GRM5: variants seen among roughly 807,000 people sequenced by gnomAD.
The protein encoded by GRM5 is metabotropic glutamate receptor 5.
A neutral mutation model predicts 83.1 loss-of-function variants in GRM5; 19 were observed. That is an observed-to-expected ratio of 0.23 (90% CI 0.16 to 0.34). GRM5 has a LOEUF of 0.34. Ranked by LOEUF, GRM5 falls within the 10% of genes least tolerant of loss-of-function variation. The pLI is 1.00. For missense variants in GRM5, 1,160 were observed against 1,588.3 expected (o/e 0.73, Z 4.58); for synonymous variants, 675 against 633.6 (o/e 1.07, Z -0.98).
In GRM5 at chr11:88,698,562, G is replaced by T. The variant is rs145767644; in HGVS notation, c.912-45159C>A. On this transcript the variant is annotated intron_variant, in intron 3 of 9. Transcript: ENST00000305447. ...CAAGAAGAGAGTAGTTATTGGCTAC[G>T]TATGGATTCAATAGCATGGGATCTT... Among the ~76,000 whole-genome samples the T allele has an allele frequency of 3.3e-5, 5 of 152,230 alleles. No homozygotes were observed. The East Asian group carries it at 9.7e-4, about 29-fold the overall frequency.
At chr11:88,731,183 G>A (rs1278422868) in intron 3 of GRM5, among the ~76,000 whole-genome samples, 1 of 151,896 alleles carries the variant, frequency 6.6e-6, no homozygotes, top group African/African-American at 2.4e-5. Context: ...TTATCATATG[G>A]ACAAGGTTTT....
intron 7 of GRM5, among the ~76,000 whole-genome samples, chr11:88,579,630 C>A (rs1033434353): frequency 2.0e-5 from 3 of 152,110 alleles, no homozygotes; most frequent in Non-Finnish European, 4.4e-5. Flanking sequence ...GGATAAGAGC[C>A]TTTCTGACCT....
At chr11:88,853,748 G>C (rs1438665529) in intron 2 of GRM5, among the ~76,000 whole-genome samples, 1 of 151,340 alleles carries the variant, frequency 6.6e-6, no homozygotes, top group African/African-American at 2.4e-5. Flanking sequence ...TGAAAGGAGA[G>C]AGTTGATGCA....
chr11:88,922,834 AGG>A (rs1945715839), intron 2 of GRM5, among the ~76,000 whole-genome samples: 1 of 152,178 alleles, frequency 6.6e-6, no homozygotes, highest in Non-Finnish European at 1.5e-5. Context: ...ACATCTGACA[AGG>A]GATTAATAAC....
intron 9 of GRM5, among the ~76,000 whole-genome samples, chr11:88,514,759 G>T (rs556137068): frequency 2.0e-5 from 3 of 152,244 alleles, no homozygotes; most frequent in African/African-American, 7.2e-5. Context: ...TTCAAGGAAG[G>T]ATTTGCAAAT....
At chr11:88,825,877 C>T (rs1209342965) in intron 3 of GRM5, among the ~76,000 whole-genome samples, 2 of 152,142 alleles carry the variant, frequency 1.3e-5, no homozygotes, top group East Asian at 1.9e-4. Context: ...ATTCATTTCA[C>T]CTGTTAACAC....
chr11:89,002,545 A>G (rs1940413681), intron 2 of GRM5, among the ~76,000 whole-genome samples: 2 of 152,170 alleles, frequency 1.3e-5, no homozygotes, highest in African/African-American at 4.8e-5. Context: ...ATTCAAGTTC[A>G]TTAGTTCATT....
At chr11:88,656,132 A>ATATTCTTGTATTAC (rs11271068) in intron 3 of GRM5, among the ~76,000 whole-genome samples, 2 of 152,100 alleles carry the variant, frequency 1.3e-5, no homozygotes, top group African/African-American at 2.4e-5. Context: ...TGGACCTTCA[A>ATATTCTTGTATTAC]TTTAATTTTT....
intron 5 of GRM5, among the ~76,000 whole-genome samples, chr11:88,602,003 C>T (rs1938011840): frequency 6.6e-6 from 1 of 151,992 alleles, no homozygotes; most frequent in Admixed American, 6.6e-5. Context: ...GTGATCTAGT[C>T]TGTTAATGGT....
intron 3 of GRM5, among the ~76,000 whole-genome samples, chr11:88,786,703 A>C (rs888209108): frequency 6.6e-6 from 1 of 151,968 alleles, no homozygotes; most frequent in Non-Finnish European, 1.5e-5. Flanking sequence ...TTATTTTAAA[A>C]CATCATTCCC....
intron 1 of GRM5, among the ~76,000 whole-genome samples, chr11:89,063,043 C>G (rs561350226): frequency 3.3e-5 from 5 of 152,394 alleles, no homozygotes; most frequent in East Asian, 1.9e-4. Flanking sequence ...GCTGTCCCCC[C>G]TCTTCCTGCA....
chr11:88,614,502 A>C (rs1290718606), intron 4 of GRM5, among the ~76,000 whole-genome samples: 5 of 152,132 alleles, frequency 3.3e-5, no homozygotes, highest in Non-Finnish European at 7.4e-5. Context: ...GGCAGTCACT[A>C]TTTAGCTTTT....
At chr11:88,617,802 A>C (rs766791898) in intron 4 of GRM5, among the ~76,000 whole-genome samples, 70 of 152,296 alleles carry the variant, frequency 4.6e-4, no homozygotes, top group Non-Finnish European at 8.7e-4. Flanking sequence ...GGGTGATCTC[A>C]GGGACAGAAA....
intron 2 of GRM5, among the ~76,000 whole-genome samples, chr11:89,019,044 C>T (rs1382497864): frequency 6.6e-6 from 1 of 152,154 alleles, no homozygotes; most frequent in Non-Finnish European, 1.5e-5. Context: ...GGTTACCACA[C>T]TAGATTTAGT....
chr11:88,863,717 TA>T (rs1389077740), intron 2 of GRM5, among the ~76,000 whole-genome samples: 3 of 116,940 alleles, frequency 2.6e-5, no homozygotes, highest in Non-Finnish European at 3.6e-5. Flanking sequence ...ATTTAACTTT[TA>T]TTTTTTTATA....
chr11:88,508,962 C>A lies in GRM5; in HGVS notation c.3269G>T (p.Gly1090Val). The A allele has an allele frequency of 2.5e-6, 4 of 1,590,844 alleles. No homozygotes were observed. The highest frequency in any genetic ancestry group is 1.1e-5 in the South Asian group (1 of 87,290). The change falls in exon 10 of 10, where the codon GGC (glycine) becomes GTC (valine). Residue 1090 changes from glycine (G) to valine (V), a missense_variant. Coordinates refer to ENST00000305447, the MANE Select transcript of GRM5 (RefSeq NM_001143831.3). The surrounding 1 kb of genome is among the most constrained non-coding windows in gnomAD (Gnocchi z 4.2). ...CAGGTAGGACGAGCAGAGCGGGGCG[C>A]CGACGCCGGGGCTGGGGGCCGCGGT... ...LSTAAPSPGV[G>V]APLCSSYLIP...
At chr11:88,923,158 A>G (rs1464369070) in intron 2 of GRM5, among the ~76,000 whole-genome samples, 1 of 152,084 alleles carries the variant, frequency 6.6e-6, no homozygotes, top group East Asian at 1.9e-4. Flanking sequence ...TCCTCAGAAA[A>G]CTACAAGTAA....
chr11:88,739,714 T>G (rs1941990521), intron 3 of GRM5, among the ~76,000 whole-genome samples: 2 of 152,090 alleles, frequency 1.3e-5, no homozygotes, highest in Non-Finnish European at 2.9e-5. Flanking sequence ...TCTGCCACCT[T>G]GTGAAGAAGG....
intron 3 of GRM5, among the ~76,000 whole-genome samples, chr11:88,684,486 G>C (rs950126688): frequency 2.0e-5 from 3 of 152,184 alleles, no homozygotes; most frequent in Non-Finnish European, 4.4e-5. Context: ...GTAATTTGCT[G>C]TTGGATTGGA....
Sources: allele counts gnomAD v4.1 joint callset (sites outside exome capture counted in the v4.1 genomes callset), GRCh38; gene constraint gnomAD v4.1.1; non-coding constraint Gnocchi (gnomAD v3.1); transcripts MANE v1.5; gene names NCBI Gene and HGNC (gene_info 2026-07-23, HGNC 2026-07-21).